The following PTPN4 variants were observed in gnomAD, a reference collection of about 807,000 sequenced individuals.
PTPN4 encodes protein tyrosine phosphatase non-receptor type 4.
A neutral mutation model predicts 135.5 loss-of-function variants in PTPN4; 49 were observed. The ratio of observed to expected loss-of-function variants is 0.36; its 90% CI spans 0.29 to 0.46. The LOEUF (loss-of-function observed/expected upper bound fraction) is 0.46, where lower values mean the gene tolerates loss of function less well. PTPN4 is among the 20% of genes least tolerant of loss of function. The pLI is 1.00. For synonymous variants in PTPN4, 333 were observed against 369.9 expected (o/e 0.90, Z 1.14); for missense variants, 860 against 1,101.0 (o/e 0.78, Z 3.10).
At chr2:119,823,177 T>G (rs1415445014) in intron 2 of PTPN4, among the ~76,000 whole-genome samples, 2 of 152,198 alleles carry the variant, frequency 1.3e-5, no homozygotes, top group East Asian at 3.8e-4. Flanking sequence ...GTACTGCTCC[T>G]TATTTCAAGG....
intron 2 of PTPN4, among the ~76,000 whole-genome samples, chr2:119,849,556 C>G (rs1472786447): frequency 6.6e-6 from 1 of 152,186 alleles, no homozygotes; most frequent in East Asian, 1.9e-4. Flanking sequence ...CCCACCTCAG[C>G]CATCCCAAAG....
chr2:119,837,493 ACTC>A (rs111901221), intron 2 of PTPN4, among the ~76,000 whole-genome samples: 3,520 of 151,052 alleles, frequency 0.023, 126 homozygotes, highest in African/African-American at 0.078. Context: ...CGCTCCGTGA[ACTC>A]CTCTCTGCCT....
rs767031098 is a variant in PTPN4 at position 119,960,848 on chromosome 2, T to C, written c.2175T>C (p.Ala725=). 1.3e-5 allele frequency: 21 copies of C among 1,613,820 alleles called. No homozygotes were observed. Among genetic ancestry groups the C allele is most frequent in the Non-Finnish European group, 1.8e-5 (21 of 1,179,892 alleles). The change falls in exon 23 of 27, where the codon GCT becomes GCC. Residue 725 remains alanine, a synonymous_variant. Transcript: ENST00000263708. Reference sequence around the variant, plus strand: ...CCAGCATTATAAATCAGTACATTGCTTGTCAAGGGCCATTACCACACACTT... The same window carrying C: ...CCAGCATTATAAATCAGTACATTGCCTGTCAAGGGCCATTACCACACACTT... ...PSSSIINQYI[A]CQGPLPHTCT... is the part of the protein sequence containing the mutation.
intron 20 of PTPN4, among the ~76,000 whole-genome samples, chr2:119,955,683 A>G (rs945264951): frequency 2.0e-5 from 3 of 152,138 alleles, no homozygotes; most frequent in African/African-American, 7.2e-5. Context: ...CACGCCTGTA[A>G]TCCCAGCACT....
chr2:119,941,012 G>A (rs1458415724), intron 15 of PTPN4, among the ~76,000 whole-genome samples: 1 of 152,122 alleles, frequency 6.6e-6, no homozygotes, highest in South Asian at 2.1e-4. Context: ...GGTACCAGCT[G>A]TAATTTCTGA....
chr2:119,895,008 G>A lies in PTPN4; in HGVS notation c.676-5710G>A, dbSNP rs909236027. ...ATAATCTTTGCTCACTTCCATTACT[G>A]AAACTCCATTCTTTAAAATATTTAT... On this transcript the variant is annotated intron_variant, in intron 9 of 26. Transcript: ENST00000263708. Among the ~76,000 whole-genome samples the A allele has an allele frequency of 2.0e-5, 3 of 152,250 alleles. No homozygotes were observed. In the South Asian group the frequency reaches 6.2e-4, roughly 32 times the overall value.
intron 2 of PTPN4, among the ~76,000 whole-genome samples, chr2:119,834,929 A>G (rs1245703191): frequency 6.6e-6 from 1 of 152,202 alleles, no homozygotes; most frequent in Non-Finnish European, 1.5e-5. Context: ...ACTTCATTAG[A>G]TATAACTCTT....
At chr2:119,892,967 ATCCTACCTGCCTCGGCC>A (rs1678263821) in intron 9 of PTPN4, among the ~76,000 whole-genome samples, 1 of 151,546 alleles carries the variant, frequency 6.6e-6, no homozygotes, top group Non-Finnish European at 1.5e-5. Flanking sequence ...AGCTCAAGCA[ATCCTACCTGCCTCGGCC>A]TCCCAAAGTG....
chr2:119,891,536 G>A (rs1453321143), intron 9 of PTPN4, among the ~76,000 whole-genome samples: 1 of 152,084 alleles, frequency 6.6e-6, no homozygotes, highest in Admixed American at 6.5e-5. Flanking sequence ...CGTTGGACAG[G>A]CTGGTCTCGA....
At chr2:119,874,597 T>C (rs1193483942) in intron 3 of PTPN4, among the ~76,000 whole-genome samples, 1 of 152,184 alleles carries the variant, frequency 6.6e-6, no homozygotes. Context: ...AGGTTAGTGA[T>C]TGTTAGGGGC....
At chr2:119,923,694 T>C (rs1174471060) in intron 12 of PTPN4, among the ~76,000 whole-genome samples, 1 of 151,808 alleles carries the variant, frequency 6.6e-6, no homozygotes, top group South Asian at 2.1e-4. Context: ...TTTTATCAGG[T>C]ATAAAAAGTT....
intron 25 of PTPN4, among the ~76,000 whole-genome samples, chr2:119,967,442 G>A (rs1272340668): frequency 1.3e-5 from 2 of 149,792 alleles, no homozygotes; most frequent in Non-Finnish European, 3.0e-5. Flanking sequence ...GCGAGATTCC[G>A]TCTCAAAAAA....
At position 119,776,578 on chromosome 2, in the gene PTPN4, C is replaced by G. The variant is rs150376145; in HGVS notation, c.-18+16194C>G. Among the ~76,000 whole-genome samples the G allele has an allele frequency of 6.3e-3, 952 of 152,240 alleles. 4 individuals are homozygous for G. Among genetic ancestry groups the G allele is most frequent in the Admixed American group, 0.014 (213 of 15,300 alleles). ...GTGCCTGCCTCTCCTGCTTCCCCTTCCACTTCCTCCACCTCTTCTATCTCT... is the reference window on the plus strand; with the variant it reads ...GTGCCTGCCTCTCCTGCTTCCCCTTGCACTTCCTCCACCTCTTCTATCTCT... On this transcript the variant is annotated intron_variant, in intron 1 of 26. Coordinates refer to ENST00000263708, the MANE Select transcript of PTPN4 (RefSeq NM_002830.4).
intron 11 of PTPN4, among the ~76,000 whole-genome samples, chr2:119,919,724 T>C (rs1013279338): frequency 6.7e-6 from 1 of 149,560 alleles, no homozygotes. Flanking sequence ...CTCGGGAGGC[T>C]GAGGCACAAG....
At chr2:119,828,003 C>CA (rs1217595477) in intron 2 of PTPN4, among the ~76,000 whole-genome samples, 1 of 152,226 alleles carries the variant, frequency 6.6e-6, no homozygotes, top group East Asian at 1.9e-4. Context: ...TTAACCCTGA[C>CA]AGTAAAGTTA....
At chr2:119,887,069 A>G (rs1678170504) in intron 9 of PTPN4, among the ~76,000 whole-genome samples, 1 of 150,820 alleles carries the variant, frequency 6.6e-6, no homozygotes, top group Non-Finnish European at 1.5e-5. Context: ...TTTAGGGCCT[A>G]TATCTTTTGA....
intron 1 of PTPN4, among the ~76,000 whole-genome samples, chr2:119,803,150 G>T (rs547665968): frequency 4.6e-5 from 7 of 151,904 alleles, no homozygotes; most frequent in Admixed American, 2.0e-4. Flanking sequence ...TTCCCCTATT[G>T]ATTTTCTCTA....
At chr2:119,852,235 G>A (rs545405170) in intron 2 of PTPN4, among the ~76,000 whole-genome samples, 7 of 152,138 alleles carry the variant, frequency 4.6e-5, no homozygotes, top group East Asian at 3.9e-4. Flanking sequence ...CAGATTGCGC[G>A]TTTACCCTAT....
At position 119,981,498 on chromosome 2, in the gene PTPN4, CAG is replaced by C. The variant is rs1000759495; in HGVS notation, c.*4429_*4430del. ...TCTTGGCAGAGATTTATTGGTGTCTCAGTGTGATCACAATACAAGTTGTAGCA... is the reference window on the plus strand; with the variant it reads ...TCTTGGCAGAGATTTATTGGTGTCTCTGTGATCACAATACAAGTTGTAGCA... On this transcript the variant is annotated 3_prime_UTR_variant, in exon 27 of 27. Transcript: ENST00000263708. 2.0e-5 allele frequency: 3 copies of C among 152,002 alleles called. No homozygotes were observed. Among genetic ancestry groups the C allele is most frequent in the African/African-American group, 7.2e-5 (3 of 41,408 alleles). The allele number at this position is 152,002 out of a possible 1,614,324, so 9.4% of individuals were successfully genotyped here.
Sources: allele counts gnomAD v4.1 joint callset (sites outside exome capture counted in the v4.1 genomes callset), GRCh38; gene constraint gnomAD v4.1.1; transcripts MANE v1.5; gene names NCBI Gene and HGNC (gene_info 2026-07-23, HGNC 2026-07-21).